FNDC3A: variants seen among roughly 807,000 people sequenced by gnomAD.
FNDC3A encodes the protein fibronectin type-III domain-containing protein 3A.
A neutral mutation model predicts 148.9 loss-of-function variants in FNDC3A; 32 were observed. The ratio of observed to expected loss-of-function variants is 0.21; its 90% CI spans 0.16 to 0.29. The LOEUF is 0.29. Ranked by LOEUF, FNDC3A falls within the 10% of genes least tolerant of loss-of-function variation. FNDC3A has a pLI of 1.00. For missense variants in FNDC3A, 1,191 were observed against 1,452.8 expected (o/e 0.82, Z 2.93); for synonymous variants, 472 against 473.6 (o/e 1.00, Z 0.04).
chr13:49,168,608 C>CATAG lies in FNDC3A; in HGVS notation c.1038-3_1038dup, dbSNP rs1360605930. On this transcript the variant is annotated splice_polypyrimidine_tract_variant and splice_region_variant and intron_variant, in intron 9 of 25. Coordinates refer to ENST00000492622, the MANE Select transcript of FNDC3A (RefSeq NM_001079673.2). ...AAGGTAAAACTATTTATTTTATCAC[C>CATAG]ATAGAGTCCAGGCAGAATATAATTC... 6.2e-7 allele frequency: 1 copy of CATAG among 1,603,262 alleles called. No homozygotes were observed. Among genetic ancestry groups the CATAG allele is most frequent in the Non-Finnish European group, 8.5e-7 (1 of 1,171,104 alleles).
At chr13:49,166,871 T>A (rs1225323727) in intron 8 of FNDC3A, among the ~76,000 whole-genome samples, 1 of 152,220 alleles carries the variant, frequency 6.6e-6, no homozygotes, top group Admixed American at 6.5e-5. Flanking sequence ...TTGTAAAAAA[T>A]TGGCAATTTT....
chr13:49,165,943 C>T (rs1357634959), intron 8 of FNDC3A, among the ~76,000 whole-genome samples: 1 of 151,966 alleles, frequency 6.6e-6, no homozygotes, highest in Non-Finnish European at 1.5e-5. Flanking sequence ...AGGTGTGTGG[C>T]ACAGGTGATG....
chr13:49,113,017 C>T (rs1173996961), intron 3 of FNDC3A, among the ~76,000 whole-genome samples: 4 of 151,732 alleles, frequency 2.6e-5, no homozygotes, highest in Non-Finnish European at 5.9e-5. Context: ...CAGTCTTATC[C>T]CTACTTTCTC....
chr13:49,131,082 A>T (rs994217697), intron 4 of FNDC3A, 55 bp from the exon 5 acceptor site: 2 of 1,413,554 alleles, frequency 1.4e-6, no homozygotes, highest in Non-Finnish European at 2.0e-6. Context: ...TAACATTTTT[A>T]AAAGAATTGT....
chr13:49,167,194 T>C (rs764039806), intron 8 of FNDC3A, 50 bp from the exon 9 acceptor site: 2 of 1,178,818 alleles, frequency 1.7e-6, no homozygotes, highest in Admixed American at 1.9e-5. Flanking sequence ...TGTACATTGG[T>C]TGAAAATGCT....
chr13:49,010,433 T>C (rs1168837209), intron 2 of FNDC3A, among the ~76,000 whole-genome samples: 2 of 152,046 alleles, frequency 1.3e-5, no homozygotes, highest in Non-Finnish European at 2.9e-5. Flanking sequence ...GGGCCATCTC[T>C]CCCCAGCAAG....
intron 3 of FNDC3A, among the ~76,000 whole-genome samples, chr13:49,100,906 C>T (rs1335310193): frequency 6.6e-6 from 1 of 152,162 alleles, no homozygotes; most frequent in Non-Finnish European, 1.5e-5. Context: ...GACTGATCCT[C>T]ACATTGCTTT....
intron 1 of FNDC3A, among the ~76,000 whole-genome samples, chr13:48,978,291 T>A (rs1046910031): frequency 2.2e-4 from 34 of 152,176 alleles, no homozygotes; most frequent in African/African-American, 8.2e-4. Context: ...GGCTGAGACA[T>A]CCTTAACCCC....
At chr13:49,097,533 T>C (rs1446059164) in intron 3 of FNDC3A, among the ~76,000 whole-genome samples, 1 of 152,066 alleles carries the variant, frequency 6.6e-6, no homozygotes, top group Non-Finnish European at 1.5e-5. Flanking sequence ...CTTTGATCTC[T>C]GTTTGGTTTT....
chr13:49,015,615 G>C (rs938788119), intron 2 of FNDC3A, among the ~76,000 whole-genome samples: 2 of 152,098 alleles, frequency 1.3e-5, no homozygotes, highest in Non-Finnish European at 2.9e-5. Context: ...TAATTGCCCT[G>C]GCCAGAACTT....
At chr13:49,143,114 C>T (rs1882781857) in intron 7 of FNDC3A, among the ~76,000 whole-genome samples, 1 of 152,162 alleles carries the variant, frequency 6.6e-6, no homozygotes, top group South Asian at 2.1e-4. Context: ...GTGATCTGCC[C>T]ACCTCGGCCT....
intron 14 of FNDC3A, among the ~76,000 whole-genome samples, chr13:49,179,156 A>G (rs1885180479): frequency 6.6e-6 from 1 of 152,214 alleles, no homozygotes. Context: ...CAAACTTTAT[A>G]TATTTAACAA....
At chr13:48,999,654 G>A (rs1240607662) in intron 1 of FNDC3A, among the ~76,000 whole-genome samples, 1 of 152,094 alleles carries the variant, frequency 6.6e-6, no homozygotes, top group Non-Finnish European at 1.5e-5. Context: ...TTCATATATT[G>A]AACCCCTAAC....
intron 3 of FNDC3A, among the ~76,000 whole-genome samples, chr13:49,111,034 C>T (rs1880534614): frequency 6.6e-6 from 1 of 152,128 alleles, no homozygotes; most frequent in Non-Finnish European, 1.5e-5. Context: ...AAAGGAGCTG[C>T]TAAGTGTATG....
chr13:49,201,657 A>G, intron 23 of FNDC3A, 143 bp from the exon 24 acceptor site: 1 of 407,454 alleles, frequency 2.5e-6, no homozygotes. Context: ...TAAGTGACAT[A>G]GAGTTCCTGG....
At chr13:49,076,116 C>A (rs1369366823) in intron 3 of FNDC3A, among the ~76,000 whole-genome samples, 1 of 152,058 alleles carries the variant, frequency 6.6e-6, no homozygotes, top group African/African-American at 2.4e-5. Context: ...GAACCATCTT[C>A]CTATGGGAAG....
At chr13:49,071,986 A>AT (rs770607876) in intron 2 of FNDC3A, among the ~76,000 whole-genome samples, 2 of 151,916 alleles carry the variant, frequency 1.3e-5, no homozygotes, top group African/African-American at 2.4e-5. Context: ...TACCTTGTTG[A>AT]TTGTTTCCTT....
intron 8 of FNDC3A, among the ~76,000 whole-genome samples, chr13:49,152,970 A>C (rs1349855688): frequency 6.7e-6 from 1 of 150,038 alleles, no homozygotes; most frequent in Non-Finnish European, 1.5e-5. Flanking sequence ...ATAATGCCGC[A>C]GTAAACATAC....
chr13:49,150,637 A>G (rs1317126989), intron 8 of FNDC3A, among the ~76,000 whole-genome samples: 1 of 152,054 alleles, frequency 6.6e-6, no homozygotes, highest in Non-Finnish European at 1.5e-5. Context: ...AATATATGAT[A>G]TAATTTCAGT....
Sources: gnomAD v4.1 joint callset for allele counts (sites outside exome capture counted in the v4.1 genomes callset) on GRCh38, gnomAD v4.1.1 for gene constraint, MANE v1.5 for transcripts, NCBI Gene and HGNC (gene_info 2026-07-23, HGNC 2026-07-21) for gene names.